MAD1L1: variants seen among roughly 807,000 people sequenced by gnomAD.
MAD1L1 encodes mitotic arrest deficient 1 like 1.
MAD1L1 carries 95 observed loss-of-function variants against 96.9 expected under a neutral mutation model. The ratio of observed to expected loss-of-function variants is 0.98; its 90% CI spans 0.83 to 1.16. The LOEUF is 1.16. Ranked by LOEUF, MAD1L1 falls within the 50% of genes most tolerant of loss-of-function variation. MAD1L1 has a pLI of 0.00. For missense variants in MAD1L1, 1,007 were observed against 954.4 expected, an observed-to-expected ratio of 1.06 and a Z score of -0.73; for synonymous variants, 473 against 396.6, an observed-to-expected ratio of 1.19 and a Z score of -2.29.
intron 11 of MAD1L1, among the ~76,000 whole-genome samples, chr7:2,135,879 C>G (rs1038011761): frequency 6.6e-6 from 1 of 152,224 alleles, no homozygotes; most frequent in African/African-American, 2.4e-5. Context: ...AGGCTCTTTT[C>G]GCCATATAAC....
chr7:2,150,239 G>A lies in MAD1L1; in HGVS notation c.987-1001C>T, dbSNP rs116030741. Among the ~76,000 whole-genome samples, 1,496 of 152,170 alleles carry A rather than the reference G, an allele frequency of 9.8e-3. 25 individuals are homozygous for A. Among genetic ancestry groups the A allele is most frequent in the African/African-American group, 0.034 (1,404 of 41,492 alleles). On this transcript the variant is annotated intron_variant, in intron 10 of 18. Coordinates refer to ENST00000265854, the MANE Select transcript of MAD1L1 (RefSeq NM_001013836.2). ...CCCAGAGCAGCCTCGGGTGGATCCC[G>A]GGCACACCCTCCCAGCAGCCTGCCC...
intron 18 of MAD1L1, among the ~76,000 whole-genome samples, chr7:1,835,119 A>T (rs1462160050): frequency 1.6e-5 from 1 of 61,806 alleles, no homozygotes; most frequent in African/African-American, 5.9e-5. Flanking sequence ...GCATTCCTCA[A>T]AAAAAAAAAA....
intron 17 of MAD1L1, among the ~76,000 whole-genome samples, chr7:1,913,446 GA>G (rs1788149874): frequency 6.6e-6 from 1 of 152,084 alleles, no homozygotes; most frequent in African/African-American, 2.4e-5. Context: ...CTGGAGAAGG[GA>G]ACCGTCGGGG....
intron 11 of MAD1L1, among the ~76,000 whole-genome samples, chr7:2,112,102 C>G (rs554438888): frequency 6.6e-6 from 1 of 152,130 alleles, no homozygotes; most frequent in Non-Finnish European, 1.5e-5. Context: ...CACAGCCACG[C>G]GGTGAGTCCC....
At chr7:1,868,828 T>A (rs1784904581) in intron 18 of MAD1L1, among the ~76,000 whole-genome samples, 1 of 152,038 alleles carries the variant, frequency 6.6e-6, no homozygotes, top group Non-Finnish European at 1.5e-5. Context: ...AGGTGTGACC[T>A]CCCCACACAG....
rs1484588746 is a variant in MAD1L1, at chr7:2,114,746, C to A, written c.1073+34406G>T. Among the ~76,000 whole-genome samples, 1 of 152,240 alleles carries A rather than the reference C, an allele frequency of 6.6e-6. No individual in the cohort carries two copies. The stretch of plus-strand genomic sequence containing the variant: ...CGAATCGCCGCTGCCGCTCTCACAG[C>A]ACGATGGCAGAGTTCAGCGTCTTCG... On this transcript the variant is annotated intron_variant, in intron 11 of 18. Coordinates refer to ENST00000265854, the MANE Select transcript of MAD1L1 (RefSeq NM_001013836.2). This position sits in a 1 kb window ranked among gnomAD's most constrained non-coding sequence, Gnocchi z 4.2.
At chr7:1,992,949 C>T (rs1370465937) in intron 14 of MAD1L1, among the ~76,000 whole-genome samples, 1 of 152,214 alleles carries the variant, frequency 6.6e-6, no homozygotes, top group Non-Finnish European at 1.5e-5. Context: ...ACTGCAGAGA[C>T]ACGACAAGTT....
At chr7:1,855,721 C>T (rs1784214485) in intron 18 of MAD1L1, among the ~76,000 whole-genome samples, 1 of 152,190 alleles carries the variant, frequency 6.6e-6, no homozygotes, top group South Asian at 2.1e-4. Context: ...GAGCCCTCAC[C>T]AGCATCACCT....
intron 18 of MAD1L1, among the ~76,000 whole-genome samples, chr7:1,829,915 T>C (rs548238083): frequency 3.3e-4 from 50 of 152,244 alleles, no homozygotes; most frequent in African/African-American, 1.1e-3. Flanking sequence ...AAGAAGACAG[T>C]GAGATCACCT....
Position 2,182,646 on chromosome 7 carries a change from C to T in MAD1L1, c.986+30566G>A, listed in dbSNP as rs1001968954. Among the ~76,000 whole-genome samples, 135 of 152,308 alleles carry T rather than the reference C, an allele frequency of 8.9e-4. 2 individuals carry two copies. The highest frequency in any genetic ancestry group is 5.6e-4 in the Non-Finnish European group (38 of 68,034). ...ACGTGCCATGTGGTGGAAGGGAGCG[C>T]TGATCCGTGCCACAGGGTAGACGCC... is the stretch of plus-strand genomic sequence containing the variant. On this transcript the variant is annotated intron_variant, in intron 10 of 18. Transcript: ENST00000265854.
At chr7:1,938,802 G>GGC (rs1232381247) in intron 16 of MAD1L1, among the ~76,000 whole-genome samples, 3 of 128,938 alleles carry the variant, frequency 2.3e-5, no homozygotes, top group Non-Finnish European at 4.8e-5. Flanking sequence ...TGGGACCAGA[G>GGC]GCGCACACAC....
chr7:2,176,462 G>T (rs564936648), intron 10 of MAD1L1, among the ~76,000 whole-genome samples: 1 of 152,222 alleles, frequency 6.6e-6, no homozygotes, highest in South Asian at 2.1e-4. Flanking sequence ...CAGAGGTCCC[G>T]GCCAATGTAA....
At chr7:2,232,547 G>T (rs2115035272) in intron 1 of MAD1L1, among the ~76,000 whole-genome samples, 1 of 152,324 alleles carries the variant, frequency 6.6e-6, no homozygotes, top group South Asian at 2.1e-4. Flanking sequence ...GCGGGACCCC[G>T]GGGCTGGGAC....
chr7:1,842,842 C>G (rs1319446685), intron 18 of MAD1L1, among the ~76,000 whole-genome samples: 2 of 152,272 alleles, frequency 1.3e-5, no homozygotes, highest in Non-Finnish European at 2.9e-5. Flanking sequence ...GCCCCTCGCC[C>G]AGCTGGCCCT....
intron 12 of MAD1L1, among the ~76,000 whole-genome samples, chr7:2,036,703 G>A (rs967074554): frequency 1.3e-5 from 2 of 152,104 alleles, no homozygotes; most frequent in Non-Finnish European, 2.9e-5. Flanking sequence ...CAACCCAGAC[G>A]TGTGCCTGTC....
intron 12 of MAD1L1, among the ~76,000 whole-genome samples, chr7:2,025,217 A>T (rs1243260130): frequency 6.6e-6 from 1 of 152,240 alleles, no homozygotes; most frequent in African/African-American, 2.4e-5. Context: ...TAATTAAAAA[A>T]TTATAGATCT....
At chr7:2,206,380 G>A (rs768603406) in intron 10 of MAD1L1, among the ~76,000 whole-genome samples, 16 of 152,116 alleles carry the variant, frequency 1.1e-4, no homozygotes, top group Admixed American at 2.0e-4. Flanking sequence ...GTTCATGTTC[G>A]TTGTATTGTA....
chr7:1,939,086 C>T (rs542426941), intron 16 of MAD1L1, among the ~76,000 whole-genome samples: 2 of 141,812 alleles, frequency 1.4e-5, no homozygotes, highest in Non-Finnish European at 3.0e-5. Context: ...GGACCAGAGG[C>T]GCGCACACAC....
At chr7:2,190,914 T>A (rs1311998848) in intron 10 of MAD1L1, among the ~76,000 whole-genome samples, 1 of 152,170 alleles carries the variant, frequency 6.6e-6, no homozygotes, top group Non-Finnish European at 1.5e-5. Flanking sequence ...CTTTGGCTCA[T>A]CAGCTTTTTC....
Sources: allele counts gnomAD v4.1 joint callset (sites outside exome capture counted in the v4.1 genomes callset), GRCh38; gene constraint gnomAD v4.1.1; non-coding constraint Gnocchi (gnomAD v3.1); transcripts MANE v1.5; gene names NCBI Gene and HGNC (gene_info 2026-07-23, HGNC 2026-07-21).